Variants in SLC20A1 observed in about 807,000 individuals in gnomAD.
SLC20A1 encodes the protein sodium-dependent phosphate transporter 1.
Under a neutral mutation model 62.7 loss-of-function variants are expected in SLC20A1, and 28 were observed. That is an observed-to-expected ratio of 0.45 (90% CI 0.33 to 0.61). The LOEUF (loss-of-function observed/expected upper bound fraction) is 0.61, where lower values mean the gene tolerates loss of function less well. Among genes scored for constraint, SLC20A1 ranks in the 20% least tolerant of loss-of-function variants. The probability of loss-of-function intolerance (pLI) is 0.02; values close to 1 mark genes in which losing one functional copy is unlikely to be tolerated. For synonymous variants in SLC20A1, 305 were observed against 302.9 expected (o/e 1.01, Z -0.07); for missense variants, 673 against 838.6 (o/e 0.80, Z 2.44).
intron 6 of SLC20A1, among the ~76,000 whole-genome samples, chr2:112,657,910 C>CT (rs1302961492): frequency 6.6e-6 from 1 of 152,084 alleles, no homozygotes; most frequent in Non-Finnish European, 1.5e-5. Context: ...TAGTATCGGA[C>CT]TTTTTTTTCC....
chr2:112,647,460 A>C lies in SLC20A1; in HGVS notation c.471A>C (p.Lys157Asn). ...QEGVKWSELI[K>N]IVMSWFVSPL... ...GTGTCAAGTGGTCTGAACTGATAAA[A>C]ATTGGTATGTTTAATTCCAAACGGC... The change falls in exon 3 of 11, where the codon AAA becomes AAC. Residue 157 changes from lysine to asparagine, a missense_variant. Physicochemically the swap from Lys to Asn is moderately conservative, Grantham distance 94. Coordinates refer to ENST00000272542, the MANE Select transcript of SLC20A1 (RefSeq NM_005415.5). The C allele has an allele frequency of 6.2e-7, 1 of 1,608,886 alleles. No homozygotes were observed. The highest frequency in any genetic ancestry group is 8.5e-7 in the Non-Finnish European group (1 of 1,178,674).
intron 6 of SLC20A1, chr2:112,658,235 C>T (rs1686649046): frequency 6.6e-6 from 1 of 152,394 alleles, no homozygotes; most frequent in Non-Finnish European, 1.5e-5. Context: ...GCATACTGAG[C>T]ACTGGCATGA....
chr2:112,646,317 C>T (rs1254854783), intron 1 of SLC20A1, among the ~76,000 whole-genome samples, 188 bp downstream of exon 1: 5 of 151,910 alleles, frequency 3.3e-5, no homozygotes, highest in Non-Finnish European at 7.4e-5. Flanking sequence ...CGCGCGGGAA[C>T]GGCCCTTTTC....
intron 4 of SLC20A1, among the ~76,000 whole-genome samples, chr2:112,650,727 G>T (rs554094651): frequency 6.6e-6 from 1 of 151,382 alleles, no homozygotes; most frequent in Admixed American, 6.6e-5. Flanking sequence ...AGGCTCAAGT[G>T]ATCCTCCTGC....
intron 4 of SLC20A1, among the ~76,000 whole-genome samples, chr2:112,651,444 C>T (rs1401256759): frequency 1.3e-5 from 2 of 151,864 alleles, no homozygotes; most frequent in Non-Finnish European, 2.9e-5. Context: ...TACTCTGTTG[C>T]CCAGGCTGGA....
rs1686734891 is a variant in SLC20A1 at position 112,661,022 on chromosome 2, T to A, written c.1794-120T>A. The A allele has an allele frequency of 7.6e-6, 5 of 659,978 alleles. No individual in the cohort carries two copies. In the South Asian group the frequency reaches 1.0e-4, roughly 13 times the overall value. The allele number at this position is 659,978 out of a possible 1,614,324, so 40.9% of individuals were successfully genotyped here. ...TCTTAGGGGTTATAGCAAATAAAGA[T>A]GTCAGTGGAGGTTTTGTGACTGAGT... On this transcript the variant is annotated intron_variant, in intron 9 of 10. Coordinates refer to ENST00000272542, the MANE Select transcript of SLC20A1 (RefSeq NM_005415.5).
chr2:112,646,758 C>T lies in SLC20A1; in HGVS notation c.-71C>T, dbSNP rs538298212. 6 of 906,888 alleles carry T rather than the reference C, an allele frequency of 6.6e-6. No individual in the cohort carries two copies. Among genetic ancestry groups the T allele is most frequent in the African/African-American group, 5.0e-5 (3 of 60,102 alleles). 56.2% of individuals were successfully genotyped at this position (906,888 alleles called of 1,614,324 possible). ...ATTATTTATTATAGCATTTTTGATA[C>T]CTCATATTCTGTTTACACATCTTGA... On this transcript the variant is annotated 5_prime_UTR_variant, in exon 2 of 11. Coordinates refer to ENST00000272542, the MANE Select transcript of SLC20A1 (RefSeq NM_005415.5).
intron 10 of SLC20A1, 93 bp downstream of exon 10, chr2:112,661,319 T>C: frequency 1.1e-6 from 1 of 946,862 alleles, no homozygotes. Flanking sequence ...TTAGAAAGTT[T>C]TGTGCAGTTG....
rs1686804673 is a variant in SLC20A1 at position 112,663,452 on chromosome 2, TAAC to T, written c.*433_*435del. ...TTCTGCCCTCACATGCACAGGGATT[TAAC>T]AACAAAAATATAACTACAACTTCCC... On this transcript the variant is annotated 3_prime_UTR_variant, in exon 11 of 11. Coordinates refer to ENST00000272542, the MANE Select transcript of SLC20A1 (RefSeq NM_005415.5). 1 of 320,064 alleles carries T rather than the reference TAAC, an allele frequency of 3.1e-6. No individual in the cohort carries two copies. The highest frequency in any genetic ancestry group is 6.0e-6 in the Non-Finnish European group (1 of 167,054). 19.8% of individuals were successfully genotyped at this position (320,064 alleles called of 1,614,324 possible).
rs1190508814 is a variant in SLC20A1 at position 112,662,871 on chromosome 2, C to G, written c.1886C>G (p.Ser629Cys). The G allele has an allele frequency of 1.2e-6, 2 of 1,613,958 alleles. No individual in the cohort carries two copies. Among genetic ancestry groups the G allele is most frequent in the Non-Finnish European group, 1.7e-6 (2 of 1,180,014 alleles). The change falls in exon 11 of 11, where the codon TCT becomes TGT. Residue 629 changes from serine to cysteine, a missense_variant. Ser to Cys is a moderately radical substitution (Grantham distance 112). Coordinates refer to ENST00000272542, the MANE Select transcript of SLC20A1 (RefSeq NM_005415.5). ...GGTCTGCTTCTCTTCTAGGTGGGCT[C>G]TGTTGTGTCTGTTGGCTGGCTCCGG... ...PISTTHCKVG[S>C]VVSVGWLRSK...
chr2:112,661,132 G>GT lies in SLC20A1; in HGVS notation c.1794-9dup, dbSNP rs771353032. 2.5e-6 allele frequency: 4 copies of GT among 1,611,246 alleles called. No individual in the cohort carries two copies. In the African/African-American group the frequency reaches 4.0e-5, roughly 16 times the overall value. On this transcript the variant is annotated splice_polypyrimidine_tract_variant and intron_variant, in intron 9 of 10. Transcript: ENST00000272542. ...CTCACTTCCTGACAAGAATCCTTTT[G>GT]TGTCTGTAGTGGCTTCAGTATTGAA... is the stretch of plus-strand genomic sequence containing the variant.
intron 3 of SLC20A1, 46 bp downstream of exon 3, chr2:112,647,510 T>C (rs1176059282): frequency 1.2e-6 from 2 of 1,603,630 alleles, no homozygotes; most frequent in African/African-American, 1.3e-5. Context: ...TTTCGTCATA[T>C]GTTACCATGG....
intron 10 of SLC20A1, among the ~76,000 whole-genome samples, chr2:112,661,749 A>G (rs999200638): frequency 6.6e-6 from 1 of 152,124 alleles, no homozygotes; most frequent in African/African-American, 2.4e-5. Context: ...GGATTTCACC[A>G]TGTTGGCCAA....
At position 112,660,568 on chromosome 2, in the gene SLC20A1, T is replaced by C; in HGVS notation, c.1789T>C (p.Ser597Pro). The C allele has an allele frequency of 6.2e-7, 1 of 1,612,228 alleles. No individual in the cohort carries two copies. Among genetic ancestry groups the C allele is most frequent in the Non-Finnish European group, 8.5e-7 (1 of 1,179,464 alleles). Reference sequence around the variant, plus strand: ...GAAGGATCTGACACCGATCACACCCTCTAGGTAAGTAGGTGGAGCAGGTTC... The same window carrying C: ...GAAGGATCTGACACCGATCACACCCCCTAGGTAAGTAGGTGGAGCAGGTTC... ...MGKDLTPITP[S>P]SGFSIELASA... The change falls in exon 9 of 11, where the codon TCT becomes CCT. Residue 597 changes from serine (S) to proline (P), a missense_variant. Transcript: ENST00000272542.
chr2:112,648,462 C>G (rs535548297), intron 4 of SLC20A1, among the ~76,000 whole-genome samples: 8 of 152,174 alleles, frequency 5.3e-5, no homozygotes, highest in Admixed American at 2.6e-4. Flanking sequence ...CAAAGTTGTC[C>G]TTTTTCTAAG....
Position 112,647,473 on chromosome 2 carries a change from A to G in SLC20A1, c.475+9A>G. 6.2e-7 allele frequency: 1 copy of G among 1,605,590 alleles called. No individual in the cohort carries two copies. The highest frequency in any genetic ancestry group is 8.5e-7 in the Non-Finnish European group (1 of 1,177,320). On this transcript the variant is annotated intron_variant, in intron 3 of 10. Transcript: ENST00000272542. ...TGAACTGATAAAAATTGGTATGTTT[A>G]ATTCCAAACGGCTTCTTAATTTTCG...
At chr2:112,647,810 T>C (rs1249399658) in intron 4 of SLC20A1, 72 bp downstream of exon 4, 15 of 1,234,784 alleles carry the variant, frequency 1.2e-5, no homozygotes, top group Non-Finnish European at 1.8e-5. Flanking sequence ...GTGGTACTTT[T>C]GCAGATGTGA....
chr2:112,658,754 AGGAAAGGAGACGT>A, intron 6 of SLC20A1, 58 bp from the exon 7 acceptor site: 1 of 1,482,410 alleles, frequency 6.7e-7, no homozygotes, highest in Non-Finnish European at 9.0e-7. Context: ...TTGGGGGTGG[AGGAAAGGAGACGT>A]GGAACAAAGT....
intron 3 of SLC20A1, 81 bp downstream of exon 3, chr2:112,647,545 T>C: frequency 1.3e-6 from 2 of 1,584,326 alleles, no homozygotes. Context: ...GGATGTGTTC[T>C]AACGTCGAGG....
Sources: allele counts gnomAD v4.1 joint callset (sites outside exome capture counted in the v4.1 genomes callset), GRCh38; gene constraint gnomAD v4.1.1; transcripts MANE v1.5; gene names NCBI Gene and HGNC (gene_info 2026-07-23, HGNC 2026-07-21).